The following HMCN1 variants were observed in gnomAD, a reference collection of about 807,000 sequenced individuals.
HMCN1 encodes hemicentin 1, also known as hemicentin-1.
HMCN1 carries 321 observed loss-of-function variants against 625.9 expected under a neutral mutation model. The ratio of observed to expected loss-of-function variants is 0.51; its 90% confidence interval spans 0.47 to 0.56. The LOEUF (loss-of-function observed/expected upper bound fraction) is 0.56. HMCN1 is among the 20% of genes least tolerant of loss of function. The probability of loss-of-function intolerance (pLI) is 0.00; values close to 1 mark genes in which losing one functional copy is unlikely to be tolerated. For synonymous variants in HMCN1, 2,425 were observed against 2,417.6 expected, an observed-to-expected ratio of 1.00 and a Z score of -0.09; for missense variants, 6,588 against 6,887.3, an observed-to-expected ratio of 0.96 and a Z score of 1.54.
Position 186,078,185 on chromosome 1 carries a change from GAGA to G in HMCN1, c.8568_8570del (p.Glu2856del). On this transcript the variant is annotated inframe_deletion, in exon 55 of 107. Transcript: ENST00000271588. ...ACATGTGTGGCTGTGAATGAGGCTG[GAGA>G]AGATTCCCTTCAATATGATGTCCGT... 1 of 1,613,470 alleles carries G rather than the reference GAGA, an allele frequency of 6.2e-7. No homozygotes were observed. Among genetic ancestry groups the G allele is most frequent in the Non-Finnish European group, 8.5e-7 (1 of 1,179,604 alleles).
At chr1:186,182,546 A>ATATT (rs1332585666) in intron 105 of HMCN1, among the ~76,000 whole-genome samples, 3 of 152,200 alleles carry the variant, frequency 2.0e-5, no homozygotes, top group African/African-American at 7.2e-5. Flanking sequence ...TTCATATTAT[A>ATATT]TATTTTTAAA....
At chr1:186,167,005 T>G (rs1201701668) in intron 100 of HMCN1, 63 bp downstream of exon 100, 19 of 1,593,572 alleles carry the variant, frequency 1.2e-5, no homozygotes, top group Non-Finnish European at 1.6e-5. Context: ...ACCTTTTGAC[T>G]CCTCAAAAGT....
intron 93 of HMCN1, 88 bp from the exon 94 acceptor site, chr1:186,151,112 G>T (rs890497672): frequency 1.6e-5 from 20 of 1,271,314 alleles, no homozygotes; most frequent in Admixed American, 3.7e-5. Flanking sequence ...AAGATTTGTA[G>T]CATCTCTGAA....
intron 99 of HMCN1, 24 bp downstream of exon 99, chr1:186,166,327 AT>A (rs1393992672): frequency 6.2e-7 from 1 of 1,613,876 alleles, no homozygotes; most frequent in East Asian, 2.2e-5. Flanking sequence ...TAATACACAC[AT>A]TTAAGCAATG....
chr1:186,188,505 C>G (rs1370835250), intron 106 of HMCN1, among the ~76,000 whole-genome samples: 2 of 152,170 alleles, frequency 1.3e-5, no homozygotes, highest in Non-Finnish European at 2.9e-5. Flanking sequence ...TTCCTTCTGT[C>G]TGAAACAGGC....
At chr1:185,816,153 T>C (rs1222137662) in intron 1 of HMCN1, among the ~76,000 whole-genome samples, 4 of 152,148 alleles carry the variant, frequency 2.6e-5, no homozygotes, top group Admixed American at 2.6e-4. Flanking sequence ...AATTTCTCAC[T>C]CACTATCTGG....
Position 185,928,542 on chromosome 1 carries a change from CCA to C in HMCN1, c.1431-3_1431-2del. ...CTAAAAGTTTTCCATTTTCTTACCT[CCA>C]GAGAATCTGCCAGTGTGAACTTAGA... is the stretch of plus-strand genomic sequence containing the variant. On this transcript the variant is annotated splice_acceptor_variant and splice_polypyrimidine_tract_variant and intron_variant, in intron 9 of 106. Coordinates refer to ENST00000271588, the MANE Select transcript of HMCN1 (RefSeq NM_031935.3). LOFTEE classifies it high-confidence loss of function. 3.1e-6 allele frequency: 5 copies of C among 1,612,434 alleles called. No homozygotes were observed. The highest frequency in any genetic ancestry group is 4.2e-6 in the Non-Finnish European group (5 of 1,178,648).
intron 29 of HMCN1, among the ~76,000 whole-genome samples, chr1:186,005,995 GC>G (rs1653604638): frequency 6.6e-6 from 1 of 152,010 alleles, no homozygotes; most frequent in East Asian, 1.9e-4. Context: ...AATTAGCCAT[GC>G]GTGGTGGCAG....
In HMCN1 at chr1:185,916,782, G is replaced by A. The variant is rs73062167; in HGVS notation, c.900+5002G>A. On this transcript the variant is annotated intron_variant, in intron 6 of 106. Coordinates refer to ENST00000271588, the MANE Select transcript of HMCN1 (RefSeq NM_031935.3). ...CTTAATACAAGAAAGTTAATTCCTC[G>A]CTAATGTTCTGTGTTCCATGGGGTC... Among the ~76,000 whole-genome samples the A allele has an allele frequency of 8.8e-3, 1,337 of 152,152 alleles. 23 individuals carry two copies. The highest frequency in any genetic ancestry group is 0.031 in the African/African-American group (1,287 of 41,530).
intron 4 of HMCN1, among the ~76,000 whole-genome samples, chr1:185,902,946 G>GAA (rs1004214710): frequency 7.2e-6 from 1 of 138,510 alleles, no homozygotes; most frequent in Admixed American, 7.2e-5. Context: ...AGTAGAAGAA[G>GAA]AAAAAAAAAA....
intron 1 of HMCN1, among the ~76,000 whole-genome samples, chr1:185,769,308 C>T (rs1656073156): frequency 6.6e-6 from 1 of 151,858 alleles, no homozygotes; most frequent in East Asian, 1.9e-4. Context: ...ATTAGCTGAG[C>T]ATGATGGCAT....
At position 185,984,288 on chromosome 1, in the gene HMCN1, C is replaced by T. The variant is rs748613025; in HGVS notation, c.2910C>T (p.Asn970=). 2.5e-6 allele frequency: 4 copies of T among 1,613,972 alleles called. No homozygotes were observed. The highest frequency in any genetic ancestry group is 1.3e-5 in the African/African-American group (1 of 75,018). ...CCAGTAACGTTGCTGGGACCAATAA[C>T]AAAACTACCTCTGTGGTTGTGCATG... ...CVASNVAGTN[N]KTTSVVVHVL... Residue 970 remains asparagine, a synonymous_variant, in exon 19 of 107, where the codon AAC becomes AAT. Coordinates refer to ENST00000271588, the MANE Select transcript of HMCN1 (RefSeq NM_031935.3).
chr1:186,096,545 T>G (rs957594994), intron 68 of HMCN1, among the ~76,000 whole-genome samples: 1 of 152,106 alleles, frequency 6.6e-6, no homozygotes, highest in Non-Finnish European at 1.5e-5. Context: ...GTGACTTCCA[T>G]AGAATGGAGG....
At chr1:185,940,672 A>G (rs1204826531) in intron 11 of HMCN1, among the ~76,000 whole-genome samples, 1 of 152,240 alleles carries the variant, frequency 6.6e-6, no homozygotes, top group Non-Finnish European at 1.5e-5. Flanking sequence ...AGAGAAGTTT[A>G]CTTTTGAGAA....
intron 56 of HMCN1, 54 bp from the exon 57 acceptor site, chr1:186,082,811 T>C (rs1659248205): frequency 5.3e-6 from 5 of 935,992 alleles, no homozygotes; most frequent in Non-Finnish European, 8.1e-6. Flanking sequence ...TAGACAAATA[T>C]GACAAGTTGC....
chr1:185,806,928 T>C (rs1301574574), intron 1 of HMCN1, among the ~76,000 whole-genome samples: 1 of 152,160 alleles, frequency 6.6e-6, no homozygotes, highest in African/African-American at 2.4e-5. Flanking sequence ...TACATTTTTT[T>C]CTTAACATTT....
chr1:185,756,201 G>A (rs889971777), intron 1 of HMCN1, among the ~76,000 whole-genome samples: 2 of 152,146 alleles, frequency 1.3e-5, no homozygotes, highest in Admixed American at 1.3e-4. Flanking sequence ...GAAATTTTGG[G>A]AGAAGAGACA....
chr1:185,907,777 T>C (rs990181484), intron 4 of HMCN1, among the ~76,000 whole-genome samples: 9 of 151,986 alleles, frequency 5.9e-5, no homozygotes, highest in Admixed American at 5.3e-4. Flanking sequence ...TGTAAGTATG[T>C]GGACTGTGAA....
chr1:186,179,763 A>AT (rs111965617), intron 104 of HMCN1, among the ~76,000 whole-genome samples: 43,134 of 151,452 alleles, frequency 0.28, 6,302 homozygotes, highest in Middle Eastern at 0.38. Context: ...TCTATCTTCA[A>AT]TTTTTTTTGT....
Sources: allele counts gnomAD v4.1 joint callset (sites outside exome capture counted in the v4.1 genomes callset), GRCh38; gene constraint gnomAD v4.1.1; transcripts MANE v1.5; gene names NCBI Gene and HGNC (gene_info 2026-07-23, HGNC 2026-07-21).